The following NDUFAB1 variants were observed in gnomAD, a reference collection of about 807,000 sequenced individuals.
NDUFAB1 encodes NADH:ubiquinone oxidoreductase subunit AB1.
NDUFAB1 carries 5 observed loss-of-function variants against 16.1 expected under a neutral mutation model. The ratio of observed to expected loss-of-function variants is 0.31; its 90% CI spans 0.16 to 0.65. NDUFAB1 has a LOEUF of 0.65. Ranked by LOEUF, NDUFAB1 falls within the 30% of genes least tolerant of loss-of-function variation. The probability of loss-of-function intolerance (pLI) is 0.77; values close to 1 mark genes in which losing one functional copy is unlikely to be tolerated. For missense variants in NDUFAB1, 187 were observed against 205.3 expected (o/e 0.91, Z 0.54); for synonymous variants, 85 against 78.4 (o/e 1.08, Z -0.44).
At chr16:23,588,419 A>G (rs1177969816) in intron 1 of NDUFAB1, among the ~76,000 whole-genome samples, 1 of 152,150 alleles carries the variant, frequency 6.6e-6, no homozygotes, top group Admixed American at 6.5e-5. Context: ...GCGCCATTGC[A>G]TTCCAGCCTG....
At chr16:23,583,932 G>A (rs924132835) in intron 3 of NDUFAB1, among the ~76,000 whole-genome samples, 563 of 151,986 alleles carry the variant, frequency 3.7e-3, no homozygotes, top group Non-Finnish European at 5.0e-3. Flanking sequence ...CTTCTGCCTT[G>A]GGATGCTGTT....
chr16:23,583,769 C>G (rs1008550193), intron 3 of NDUFAB1, among the ~76,000 whole-genome samples: 1 of 151,010 alleles, frequency 6.6e-6, no homozygotes, highest in Non-Finnish European at 1.5e-5. Context: ...TACCCAACAG[C>G]TCATTGAGAA....
At chr16:23,589,168 T>C (rs1359738685) in intron 1 of NDUFAB1, among the ~76,000 whole-genome samples, 2 of 151,904 alleles carry the variant, frequency 1.3e-5, no homozygotes, top group Admixed American at 6.6e-5. Context: ...TGGTAACATG[T>C]GCCTGTAATC....
At chr16:23,583,741 C>T (rs1966205547) in intron 3 of NDUFAB1, among the ~76,000 whole-genome samples, 1 of 150,606 alleles carries the variant, frequency 6.6e-6, no homozygotes. Flanking sequence ...GCCCGGCAGC[C>T]GCCCCGTCAG....
intron 1 of NDUFAB1, among the ~76,000 whole-genome samples, chr16:23,588,839 G>T (rs143819413): frequency 6.6e-6 from 1 of 152,166 alleles, no homozygotes; most frequent in Non-Finnish European, 1.5e-5. Context: ...TTAGCTGGGC[G>T]TGGTGGTGTG....
chr16:23,587,851 C>T (rs1347927157), intron 1 of NDUFAB1, among the ~76,000 whole-genome samples: 1 of 152,388 alleles, frequency 6.6e-6, no homozygotes, highest in East Asian at 1.9e-4. Context: ...GGAAGCTGGC[C>T]TCCCACCCAA....
At chr16:23,593,948 T>A (rs1966300978) in intron 1 of NDUFAB1, among the ~76,000 whole-genome samples, 1 of 152,082 alleles carries the variant, frequency 6.6e-6, no homozygotes, top group African/African-American at 2.4e-5. Flanking sequence ...TGGCACGATC[T>A]CGGCTCACTG....
chr16:23,582,485 A>G, intron 3 of NDUFAB1, 110 bp from the exon 4 acceptor site: 1 of 1,342,420 alleles, frequency 7.4e-7, no homozygotes, highest in Non-Finnish European at 9.6e-7. Context: ...AACTTTCAGC[A>G]ACCTTGAATC....
chr16:23,595,920 T>C (rs1281592844), intron 1 of NDUFAB1, among the ~76,000 whole-genome samples: 2 of 152,234 alleles, frequency 1.3e-5, no homozygotes, highest in Non-Finnish European at 2.9e-5. Flanking sequence ...CTCGAGTCAG[T>C]GCTCTTGCTC....
intron 3 of NDUFAB1, among the ~76,000 whole-genome samples, chr16:23,582,952 G>A (rs1041510261): frequency 6.7e-5 from 10 of 148,562 alleles, no homozygotes; most frequent in Non-Finnish European, 4.5e-5. Flanking sequence ...CAGTGCCTGC[G>A]ATTGCAGGCA....
intron 3 of NDUFAB1, among the ~76,000 whole-genome samples, chr16:23,582,754 GTCTCCC>G (rs1206136108): frequency 1.4e-4 from 19 of 137,904 alleles, no homozygotes; most frequent in African/African-American, 3.5e-4. Context: ...TCTTCCCACG[GTCTCCC>G]TCTCCCTCTC....
At chr16:23,595,487 G>C in intron 1 of NDUFAB1, 1 of 435,518 alleles carries the variant, frequency 2.3e-6, no homozygotes. Flanking sequence ...CCTTATACGC[G>C]GGGCGGCACA....
intron 3 of NDUFAB1, among the ~76,000 whole-genome samples, chr16:23,584,413 T>G (rs1966216001): frequency 6.6e-6 from 1 of 151,840 alleles, no homozygotes; most frequent in Admixed American, 6.6e-5. Flanking sequence ...GTGTCTGGCT[T>G]CTTTCACTCG....
chr16:23,593,598 C>A (rs562109104), intron 1 of NDUFAB1, among the ~76,000 whole-genome samples: 1 of 152,260 alleles, frequency 6.6e-6, no homozygotes, highest in East Asian at 1.9e-4. Flanking sequence ...TTCTGAGCTC[C>A]TTGCCATTCA....
At chr16:23,588,130 CAG>C (rs1181528821) in intron 1 of NDUFAB1, among the ~76,000 whole-genome samples, 2 of 152,174 alleles carry the variant, frequency 1.3e-5, no homozygotes, top group Non-Finnish European at 2.9e-5. Flanking sequence ...GAAAACAAAA[CAG>C]GGTATCTGGC....
chr16:23,587,445 A>C (rs2142234890), intron 1 of NDUFAB1, 126 bp from the exon 2 acceptor site: 1,787 of 1,193,890 alleles, frequency 1.5e-3, no homozygotes, highest in Non-Finnish European at 1.8e-3. Flanking sequence ...TCTGATTCTC[A>C]TTGTGGCCAC....
chr16:23,588,173 G>A lies in NDUFAB1; in HGVS notation c.169-854C>T, dbSNP rs142514856. Among the ~76,000 whole-genome samples, 864 of 152,314 alleles carry A rather than the reference G, an allele frequency of 5.7e-3. 3 individuals carry two copies. The highest frequency in any genetic ancestry group is 0.019 in the African/African-American group (797 of 41,574). ...TGCTCACTACTGAAATCCCTAATCT[G>A]GCTAGTCGTGGTGGCTCACGCCTAT... On this transcript the variant is annotated intron_variant, in intron 1 of 4. Transcript: ENST00000007516.
intron 1 of NDUFAB1, among the ~76,000 whole-genome samples, chr16:23,588,807 G>A (rs1222969352): frequency 2.0e-5 from 3 of 152,008 alleles, no homozygotes; most frequent in South Asian, 2.1e-4. Context: ...GTGAAGCCTC[G>A]TCTCTACTAA....
At position 23,596,280 on chromosome 16, in the gene NDUFAB1, C is replaced by G; in HGVS notation, c.11G>C (p.Arg4Pro). The G allele has an allele frequency of 5.7e-6, 9 of 1,568,600 alleles. No homozygotes were observed. Among genetic ancestry groups the G allele is most frequent in the Non-Finnish European group, 7.8e-6 (9 of 1,159,446 alleles). Reference sequence around the variant, plus strand: ...GCGGCTGACATAGGCTGAAAGGACACGAGACGCCATGGCTACGCCAACCCA... The same window carrying G: ...GCGGCTGACATAGGCTGAAAGGACAGGAGACGCCATGGCTACGCCAACCCA... MASRVLSAYVSRLP... is the reference protein window; with the variant it reads MASPVLSAYVSRLP... Residue 4 changes from arginine to proline, a missense_variant, in exon 1 of 5, where the codon CGT (arginine) becomes CCT (proline). Physicochemically the swap from Arg to Pro is moderately radical, Grantham distance 103. Coordinates refer to ENST00000007516, the MANE Select transcript of NDUFAB1 (RefSeq NM_005003.3).
Sources: allele counts gnomAD v4.1 joint callset (sites outside exome capture counted in the v4.1 genomes callset), GRCh38; gene constraint gnomAD v4.1.1; transcripts MANE v1.5; gene names NCBI Gene and HGNC (gene_info 2026-07-23, HGNC 2026-07-21).